GRM5: variants seen among roughly 807,000 people sequenced by gnomAD.
The protein encoded by GRM5 is glutamate metabotropic receptor 5.
In GRM5, 19 loss-of-function variants were observed where a neutral mutation model predicts 83.1. The observed-to-expected ratio is 0.23, with a 90% CI of 0.16 to 0.34. The LOEUF is 0.34. Among genes scored for constraint, GRM5 ranks in the 10% least tolerant of loss-of-function variants. The probability of loss-of-function intolerance (pLI) is 1.00; values close to 1 mark genes in which losing one functional copy is unlikely to be tolerated. For synonymous variants in GRM5, 675 were observed against 633.6 expected, an observed-to-expected ratio of 1.07 and a Z score of -0.98; for missense variants, 1,160 against 1,588.3, an observed-to-expected ratio of 0.73 and a Z score of 4.58.
At position 88,755,039 on chromosome 11, in the gene GRM5, G is replaced by A. The variant is rs145538353; in HGVS notation, c.911+94867C>T. Among the ~76,000 whole-genome samples the A allele has an allele frequency of 2.9e-3, 438 of 152,234 alleles. 1 individual carries two copies. The highest frequency in any genetic ancestry group is 0.017 in the Middle Eastern group (5 of 294). Reference sequence around the variant, plus strand: ...CCCACTTTCTCTACAGAATTACTGAGATTCAAATGAAATATTATATTGAAG... The same window carrying A: ...CCCACTTTCTCTACAGAATTACTGAAATTCAAATGAAATATTATATTGAAG... On this transcript the variant is annotated intron_variant, in intron 3 of 9. Coordinates refer to ENST00000305447, the MANE Select transcript of GRM5 (RefSeq NM_001143831.3).
chr11:88,581,720 T>C (rs1365978355), intron 7 of GRM5, among the ~76,000 whole-genome samples: 6 of 152,212 alleles, frequency 3.9e-5, no homozygotes, highest in Admixed American at 3.9e-4. Flanking sequence ...ATCACCATTA[T>C]GATGTTTGGT....
At chr11:88,877,284 C>T (rs2135568457) in intron 2 of GRM5, among the ~76,000 whole-genome samples, 1 of 152,012 alleles carries the variant, frequency 6.6e-6, no homozygotes. Flanking sequence ...AAAATATTTC[C>T]ATCATTAGAC....
intron 4 of GRM5, among the ~76,000 whole-genome samples, chr11:88,630,280 G>A (rs920480170): frequency 2.2e-4 from 33 of 151,948 alleles, no homozygotes; most frequent in Admixed American, 4.6e-4. Context: ...TATGTTCCAC[G>A]AAGGCAAGAA....
chr11:88,968,074 T>A (rs1939042968), intron 2 of GRM5, among the ~76,000 whole-genome samples: 1 of 152,118 alleles, frequency 6.6e-6, no homozygotes, highest in Admixed American at 6.6e-5. Flanking sequence ...CTGCTAAAAA[T>A]TTAATGAAGA....
At chr11:88,780,842 G>A (rs1211175819) in intron 3 of GRM5, among the ~76,000 whole-genome samples, 2 of 151,980 alleles carry the variant, frequency 1.3e-5, no homozygotes, top group African/African-American at 4.8e-5. Flanking sequence ...TTGAAAAAGT[G>A]TTCAGTATAA....
chr11:88,921,778 A>T (rs373789129), intron 2 of GRM5, among the ~76,000 whole-genome samples: 1 of 152,206 alleles, frequency 6.6e-6, no homozygotes, highest in East Asian at 1.9e-4. Flanking sequence ...AGAAAGAAGT[A>T]AATGGCTTCT....
At chr11:89,048,739 G>T (rs1429091850) in intron 1 of GRM5, among the ~76,000 whole-genome samples, 5 of 152,198 alleles carry the variant, frequency 3.3e-5, no homozygotes, top group African/African-American at 1.2e-4. Context: ...AAAGGAAAAG[G>T]TTGGGGAATT....
intron 1 of GRM5, among the ~76,000 whole-genome samples, chr11:89,063,273 C>T (rs564784335): frequency 2.6e-5 from 4 of 152,292 alleles, no homozygotes; most frequent in East Asian, 1.9e-4. Flanking sequence ...CCCTCCTTCA[C>T]CCCATTGCTC....
At chr11:88,779,079 C>T (rs2135460598) in intron 3 of GRM5, among the ~76,000 whole-genome samples, 1 of 152,240 alleles carries the variant, frequency 6.6e-6, no homozygotes, top group East Asian at 1.9e-4. Context: ...GATGAAGAAC[C>T]TGATGCTCAG....
intron 3 of GRM5, among the ~76,000 whole-genome samples, chr11:88,805,308 C>T (rs1339876547): frequency 6.6e-6 from 1 of 152,148 alleles, no homozygotes; most frequent in Admixed American, 6.5e-5. Context: ...TCTCCTGCCT[C>T]AGCCTCCTGT....
chr11:88,837,497 GATT>G (rs1358588576), intron 3 of GRM5, among the ~76,000 whole-genome samples: 15 of 152,280 alleles, frequency 9.9e-5, no homozygotes, highest in South Asian at 2.1e-4. Context: ...TATAAAAAGT[GATT>G]ATTATCAAAA....
At chr11:88,536,010 A>G (rs1591330720) in intron 8 of GRM5, among the ~76,000 whole-genome samples, 1 of 152,222 alleles carries the variant, frequency 6.6e-6, no homozygotes, top group Admixed American at 6.5e-5. Flanking sequence ...AGCCTAAACA[A>G]TTGGTCCTTA....
At chr11:88,698,073 T>C (rs1940942270) in intron 3 of GRM5, among the ~76,000 whole-genome samples, 1 of 152,212 alleles carries the variant, frequency 6.6e-6, no homozygotes, top group Non-Finnish European at 1.5e-5. Context: ...AATTCTTTAC[T>C]GTCATTCAGA....
intron 7 of GRM5, among the ~76,000 whole-genome samples, chr11:88,574,989 T>C (rs1476361022): frequency 8.1e-5 from 12 of 148,890 alleles, no homozygotes; most frequent in Admixed American, 7.3e-4. Flanking sequence ...TCTTTTCTTT[T>C]TTTTTTTTTT....
chr11:88,504,892 A>G lies in GRM5; in HGVS notation c.*3700T>C, dbSNP rs925449527. 2 of 152,162 alleles carry G rather than the reference A, an allele frequency of 1.3e-5. No individual in the cohort carries two copies. Among genetic ancestry groups the G allele is most frequent in the African/African-American group, 4.8e-5 (2 of 41,448 alleles). The allele number at this position is 152,162 out of a possible 1,614,324, so 9.4% of individuals were successfully genotyped here. On this transcript the variant is annotated 3_prime_UTR_variant, in exon 10 of 10. Coordinates refer to ENST00000305447, the MANE Select transcript of GRM5 (RefSeq NM_001143831.3). ...TATAAGTGCAGAAAAAAGTAAGTAC[A>G]AGCACTTTTAGCCCACACAAATCTT...
chr11:88,676,846 G>A (rs901634881), intron 3 of GRM5, among the ~76,000 whole-genome samples: 2 of 152,056 alleles, frequency 1.3e-5, no homozygotes, highest in Non-Finnish European at 2.9e-5. Flanking sequence ...CTGCGTGCAA[G>A]GCATTGCATT....
intron 3 of GRM5, among the ~76,000 whole-genome samples, chr11:88,847,955 T>C (rs1312504396): frequency 1.3e-5 from 2 of 152,226 alleles, no homozygotes; most frequent in African/African-American, 2.4e-5. Context: ...GAACATTTGC[T>C]TTTTGGCAAA....
At chr11:88,902,825 C>A (rs1381725861) in intron 2 of GRM5, among the ~76,000 whole-genome samples, 1 of 151,622 alleles carries the variant, frequency 6.6e-6, no homozygotes, top group Non-Finnish European at 1.5e-5. Context: ...GTGGTATGCG[C>A]CTGTGGTACC....
intron 2 of GRM5, among the ~76,000 whole-genome samples, chr11:88,890,701 A>G (rs1945130047): frequency 6.6e-6 from 1 of 152,136 alleles, no homozygotes; most frequent in South Asian, 2.1e-4. Flanking sequence ...TCAGATAAGT[A>G]AGGCCTGGGA....
Sources: gnomAD v4.1 joint callset for allele counts (sites outside exome capture counted in the v4.1 genomes callset) on GRCh38, gnomAD v4.1.1 for gene constraint, MANE v1.5 for transcripts, NCBI Gene and HGNC (gene_info 2026-07-23, HGNC 2026-07-21) for gene names.